The following WDR7 variants were observed in gnomAD, a reference collection of about 807,000 sequenced individuals.
WDR7 encodes WD repeat domain 7.
A neutral mutation model predicts 169.4 loss-of-function variants in WDR7; 46 were observed. The ratio of observed to expected loss-of-function variants is 0.27; its 90% CI spans 0.21 to 0.35. The LOEUF (loss-of-function observed/expected upper bound fraction) is 0.35, where lower values mean the gene tolerates loss of function less well. WDR7 is among the 10% of genes least tolerant of loss of function. The pLI is 1.00. For synonymous variants in WDR7, 612 were observed against 666.8 expected (o/e 0.92, Z 1.27); for missense variants, 1,534 against 1,859.3 (o/e 0.83, Z 3.22).
In WDR7 at chr18:56,873,420, T is replaced by A. The variant is rs1229407573; in HGVS notation, c.3305-6524T>A. 4 of 152,174 alleles carry A rather than the reference T, an allele frequency of 2.6e-5. No homozygotes were observed. The East Asian group carries it at 7.7e-4, about 29-fold the overall frequency. 9.4% of individuals were successfully genotyped at this position (152,174 alleles called of 1,614,324 possible). A position where few individuals can be genotyped will look rare whatever the true frequency, so the allele number is the denominator to read the frequency against. ...GTACACTGTTAAAACTTCCCTAAAGTCTTAATTCCTTCCCCTGGAGTGGGA... is the reference window on the plus strand; with the variant it reads ...GTACACTGTTAAAACTTCCCTAAAGACTTAATTCCTTCCCCTGGAGTGGGA... On this transcript the variant is annotated intron_variant, in intron 20 of 27. Coordinates refer to ENST00000254442, the MANE Select transcript of WDR7 (RefSeq NM_015285.3).
chr18:56,894,849 G>A (rs935253132), intron 21 of WDR7, among the ~76,000 whole-genome samples: 10 of 151,858 alleles, frequency 6.6e-5, no homozygotes, highest in African/African-American at 2.4e-4. Context: ...TCTGTTAACT[G>A]GACACTCATG....
chr18:56,674,636 C>T (rs757513045), intron 2 of WDR7, among the ~76,000 whole-genome samples: 18 of 151,894 alleles, frequency 1.2e-4, no homozygotes, highest in Non-Finnish European at 2.5e-4. Context: ...TTCACTTTCT[C>T]GATTGTGTCC....
Position 57,007,682 on chromosome 18 carries a change from C to T in WDR7, c.4165-13063C>T, listed in dbSNP as rs1255739600. 2.6e-5 allele frequency among the ~76,000 whole-genome samples: 4 copies of T among 151,996 alleles called. No individual in the cohort carries two copies. In the South Asian group the frequency reaches 8.3e-4, roughly 32 times the overall value. ...AAGGTGATTTGTACATTGGGAACAA[C>T]CTTGAAATATTTAATTTAAAAATAA... On this transcript the variant is annotated intron_variant, in intron 26 of 27. Coordinates refer to ENST00000254442, the MANE Select transcript of WDR7 (RefSeq NM_015285.3).
intron 15 of WDR7, among the ~76,000 whole-genome samples, chr18:56,758,637 G>A (rs1194816230): frequency 6.6e-6 from 1 of 152,100 alleles, no homozygotes; most frequent in Non-Finnish European, 1.5e-5. Context: ...CTAATATGAA[G>A]CACAAATTGC....
At chr18:56,676,895 T>C (rs1168336063) in intron 2 of WDR7, among the ~76,000 whole-genome samples, 1 of 152,152 alleles carries the variant, frequency 6.6e-6, no homozygotes, top group Non-Finnish European at 1.5e-5. Flanking sequence ...ATTACAGGCA[T>C]GAGCCAGGGG....
At chr18:56,817,040 T>G (rs928811493) in intron 20 of WDR7, among the ~76,000 whole-genome samples, 13 of 151,746 alleles carry the variant, frequency 8.6e-5, no homozygotes, top group African/African-American at 1.2e-4. Context: ...TAACAGAAAA[T>G]TTTTAACAAA....
intron 25 of WDR7, among the ~76,000 whole-genome samples, chr18:56,952,067 TATCTC>T (rs1312522537): frequency 6.6e-6 from 1 of 152,246 alleles, no homozygotes; most frequent in Non-Finnish European, 1.5e-5. Context: ...CCACCTGTGA[TATCTC>T]AGATCATGTA....
rs10572330 is a variant in WDR7 at position 56,716,030 on chromosome 18, A to AGTGTGTGT, written c.1579-1905_1579-1898dup. ...TGAATTAGCAACGTACATACGTAGC[A>AGTGTGTGT]GTGTGTGTGTGTGTGTGTGTGTGTG... On this transcript the variant is annotated intron_variant, in intron 12 of 27. Transcript: ENST00000254442. Among the ~76,000 whole-genome samples, 338 of 146,682 alleles carry AGTGTGTGT rather than the reference A, an allele frequency of 2.3e-3. 4 individuals carry two copies. Among genetic ancestry groups the AGTGTGTGT allele is most frequent in the East Asian group, 0.015 (72 of 4,934 alleles).
At chr18:56,987,141 T>G (rs142365525) in intron 26 of WDR7, among the ~76,000 whole-genome samples, 1 of 152,110 alleles carries the variant, frequency 6.6e-6, no homozygotes, top group Admixed American at 6.5e-5. Flanking sequence ...TGGTTTTTGA[T>G]AGCATGAGGT....
chr18:57,002,744 C>T (rs1400910232), intron 26 of WDR7, among the ~76,000 whole-genome samples: 4 of 152,082 alleles, frequency 2.6e-5, no homozygotes, highest in Non-Finnish European at 4.4e-5. Flanking sequence ...AGAAAGAAAC[C>T]GCCTCATTTT....
chr18:56,731,041 A>G (rs2026574361), intron 13 of WDR7, among the ~76,000 whole-genome samples: 1 of 152,214 alleles, frequency 6.6e-6, no homozygotes, highest in South Asian at 2.1e-4. Flanking sequence ...AGGTCAAATC[A>G]TAGATTTTAA....
intron 1 of WDR7, among the ~76,000 whole-genome samples, chr18:56,670,204 C>G (rs1010559283): frequency 1.3e-5 from 2 of 152,094 alleles, no homozygotes; most frequent in African/African-American, 2.4e-5. Flanking sequence ...TTGTCATATA[C>G]TATTCTATCA....
intron 11 of WDR7, among the ~76,000 whole-genome samples, chr18:56,695,850 C>T (rs548920503): frequency 6.6e-6 from 1 of 152,244 alleles, no homozygotes; most frequent in South Asian, 2.1e-4. Context: ...CCTGTAATTT[C>T]CTAATAGCTG....
Position 57,028,277 on chromosome 18 carries a change from G to A in WDR7, c.*1070G>A, listed in dbSNP as rs551927246. ...TAATAACTATGGCACAAATGTTCAG[G>A]AGTGTATATAAAAATATGTGGGCTC... On this transcript the variant is annotated 3_prime_UTR_variant, in exon 28 of 28. Transcript: ENST00000254442. The A allele has an allele frequency of 6.6e-6, 1 of 152,308 alleles. No homozygotes were observed. The highest frequency in any genetic ancestry group is 1.9e-4 in the East Asian group (1 of 5,194). 9.4% of individuals were successfully genotyped at this position (152,308 alleles called of 1,614,324 possible).
intron 1 of WDR7, among the ~76,000 whole-genome samples, chr18:56,663,695 T>TACATATATATATGCACA: frequency 6.7e-6 from 1 of 149,390 alleles, no homozygotes; most frequent in African/African-American, 2.5e-5. Flanking sequence ...ACAGCATATA[T>TACATATATATATGCACA]GTAGATATAC....
chr18:56,880,281 G>T, intron 21 of WDR7, 116 bp downstream of exon 21: 1 of 1,007,956 alleles, frequency 9.9e-7, no homozygotes, highest in Admixed American at 2.6e-5. Flanking sequence ...TTGCTTGCGT[G>T]AAGTTAGAAA....
At chr18:56,747,024 A>G (rs2043715378) in intron 14 of WDR7, among the ~76,000 whole-genome samples, 1 of 152,194 alleles carries the variant, frequency 6.6e-6, no homozygotes, top group African/African-American at 2.4e-5. Flanking sequence ...TGCTTCTTGT[A>G]TTTCCAGTGC....
chr18:56,934,099 A>G (rs1444331230), intron 22 of WDR7, among the ~76,000 whole-genome samples: 3 of 152,258 alleles, frequency 2.0e-5, no homozygotes, highest in African/African-American at 4.8e-5. Context: ...TTGCAGTATC[A>G]TCAATCCCTA....
At chr18:56,779,313 T>C (rs1164881776) in intron 17 of WDR7, 118 bp from the exon 18 acceptor site, 4 of 634,286 alleles carry the variant, frequency 6.3e-6, no homozygotes, top group African/African-American at 1.9e-5. Context: ...TGAAATCATT[T>C]GTAATATAAC....
Sources: allele counts gnomAD v4.1 joint callset (sites outside exome capture counted in the v4.1 genomes callset), GRCh38; gene constraint gnomAD v4.1.1; transcripts MANE v1.5; gene names NCBI Gene and HGNC (gene_info 2026-07-23, HGNC 2026-07-21).